The following DCLK1 variants were observed in gnomAD, a reference collection of about 807,000 sequenced individuals.
DCLK1 encodes doublecortin like kinase 1, also known as serine/threonine-protein kinase DCLK1.
Under a neutral mutation model 86.2 loss-of-function variants are expected in DCLK1, and 16 were observed. The observed-to-expected ratio is 0.19, with a 90% confidence interval of 0.13 to 0.28. DCLK1 has a LOEUF of 0.28. DCLK1 is among the 10% of genes least tolerant of loss of function. DCLK1 has a pLI of 1.00. For synonymous variants in DCLK1, 369 were observed against 370.5 expected (o/e 1.00, Z 0.05); for missense variants, 590 against 940.2 (o/e 0.63, Z 4.87).
chr13:35,951,081 A>G (rs1367555485), intron 3 of DCLK1, among the ~76,000 whole-genome samples: 1 of 152,018 alleles, frequency 6.6e-6, no homozygotes, highest in African/African-American at 2.4e-5. Flanking sequence ...TCCATGGCTC[A>G]GAAAGCCATC....
rs2086374802 is a variant in DCLK1, at chr13:35,773,858, C to A, written c.*677G>T. ...CTTCATGTGGAGACAATTTGGGGGG[C>A]ACCATCTATTTCCTGGGTCAAGCTC... On this transcript the variant is annotated 3_prime_UTR_variant, in exon 17 of 17. Transcript: ENST00000360631. 1 of 143,898 alleles carries A rather than the reference C, an allele frequency of 6.9e-6. No homozygotes were observed. The highest frequency in any genetic ancestry group is 1.5e-5 in the Non-Finnish European group (1 of 66,462). 8.9% of individuals were successfully genotyped at this position (143,898 alleles called of 1,614,324 possible).
intron 3 of DCLK1, among the ~76,000 whole-genome samples, chr13:36,025,646 CAT>C (rs969274135): frequency 6.6e-6 from 1 of 152,116 alleles, no homozygotes; most frequent in Non-Finnish European, 1.5e-5. Context: ...CCAAAGGCCA[CAT>C]ATTGTATAGG....
rs1453302468 is a variant in DCLK1, at chr13:35,959,854, C to CATGTGT, written c.724-12398_724-12397insACACAT. Among the ~76,000 whole-genome samples, 405 of 149,406 alleles carry CATGTGT rather than the reference C, an allele frequency of 2.7e-3. 4 individuals are homozygous for CATGTGT. Among genetic ancestry groups the CATGTGT allele is most frequent in the African/African-American group, 9.7e-3 (391 of 40,434 alleles). On this transcript the variant is annotated intron_variant, in intron 3 of 16. Transcript: ENST00000360631. ...TCATGAAAAAACCAATACAGCAAGTCGTGTGTGTGTGTGTGTGTGTGTGTG... is the reference window on the plus strand; with the variant it reads ...TCATGAAAAAACCAATACAGCAAGTCATGTGTGTGTGTGTGTGTGTGTGTGTGTGTG...
At chr13:35,974,112 T>C (rs1303570901) in intron 3 of DCLK1, among the ~76,000 whole-genome samples, 2 of 152,186 alleles carry the variant, frequency 1.3e-5, no homozygotes, top group Admixed American at 1.3e-4. Context: ...GACAAAAGTT[T>C]AGAATAACTG....
intron 11 of DCLK1, among the ~76,000 whole-genome samples, chr13:35,821,132 TG>T (rs2087384835): frequency 6.6e-6 from 1 of 152,186 alleles, no homozygotes. Context: ...GTGACAACCG[TG>T]GGCAGGTCAT....
intron 3 of DCLK1, among the ~76,000 whole-genome samples, chr13:36,093,520 C>A (rs932269179): frequency 6.6e-6 from 1 of 152,156 alleles, no homozygotes; most frequent in Non-Finnish European, 1.5e-5. Flanking sequence ...TACATAAATT[C>A]TTTTAATGAA....
At chr13:35,861,938 G>A (rs1473824459) in intron 5 of DCLK1, among the ~76,000 whole-genome samples, 3 of 151,170 alleles carry the variant, frequency 2.0e-5, no homozygotes, top group Non-Finnish European at 4.4e-5. Flanking sequence ...AGGCTGAGGC[G>A]GGAGAATGGC....
chr13:35,883,408 C>T (rs1047592966), intron 4 of DCLK1, among the ~76,000 whole-genome samples: 4 of 152,140 alleles, frequency 2.6e-5, no homozygotes, highest in African/African-American at 9.7e-5. Flanking sequence ...TCTCCCTTGC[C>T]TCCTCTCTCC....
At chr13:36,092,200 C>T (rs1884849149) in intron 3 of DCLK1, among the ~76,000 whole-genome samples, 1 of 151,620 alleles carries the variant, frequency 6.6e-6, no homozygotes, top group South Asian at 2.1e-4. Context: ...AGTTCTGGCT[C>T]TTGAGGTTTT....
intron 16 of DCLK1, among the ~76,000 whole-genome samples, chr13:35,790,701 C>T (rs1435270706): frequency 2.0e-5 from 3 of 152,002 alleles, no homozygotes; most frequent in African/African-American, 7.3e-5. Flanking sequence ...GCAAATTAAT[C>T]ATTATATTAA....
intron 13 of DCLK1, among the ~76,000 whole-genome samples, 198 bp from the exon 14 acceptor site, chr13:35,808,518 C>A (rs2153102537): frequency 6.6e-6 from 1 of 152,296 alleles, no homozygotes. Context: ...TGCGGCGGCT[C>A]ACACCTGTAT....
At chr13:35,838,467 A>T (rs1471685668) in intron 7 of DCLK1, among the ~76,000 whole-genome samples, 1 of 152,184 alleles carries the variant, frequency 6.6e-6, no homozygotes, top group Admixed American at 6.6e-5. Context: ...GTGATTCACA[A>T]TCTCCATTTC....
chr13:35,959,092 C>A (rs951798211), intron 3 of DCLK1, among the ~76,000 whole-genome samples: 27 of 152,274 alleles, frequency 1.8e-4, no homozygotes, highest in African/African-American at 6.5e-4. Context: ...ACTACGAATA[C>A]AAACTTGATT....
At chr13:36,037,640 C>T (rs1882553960) in intron 3 of DCLK1, among the ~76,000 whole-genome samples, 2 of 151,934 alleles carry the variant, frequency 1.3e-5, no homozygotes, top group Non-Finnish European at 2.9e-5. Context: ...TGCATCACCA[C>T]ACCCAGTTAA....
At position 36,131,234 on chromosome 13, in the gene DCLK1, G is replaced by A; in HGVS notation, c.-140C>T. 6.5e-6 allele frequency: 1 copy of A among 154,422 alleles called. No individual in the cohort carries two copies. Among genetic ancestry groups the A allele is most frequent in the Non-Finnish European group, 1.4e-5 (1 of 69,736 alleles). 9.6% of individuals were successfully genotyped at this position (154,422 alleles called of 1,614,324 possible). ...GGGGCTGCAGGGCTGGGGGGCGGCG[G>A]CGGGGCCGGGCTGGGCGGCAGCAGC... On this transcript the variant is annotated 5_prime_UTR_variant, in exon 1 of 17. Coordinates refer to ENST00000360631, the MANE Select transcript of DCLK1 (RefSeq NM_001330071.2).
intron 3 of DCLK1, among the ~76,000 whole-genome samples, chr13:36,051,521 C>T (rs1883122675): frequency 6.6e-6 from 1 of 151,794 alleles, no homozygotes; most frequent in Non-Finnish European, 1.5e-5. Context: ...GATTATAAAA[C>T]CCTCTGTGTG....
intron 11 of DCLK1, among the ~76,000 whole-genome samples, chr13:35,821,679 T>G (rs1309406614): frequency 2.7e-5 from 4 of 148,494 alleles, no homozygotes; most frequent in Non-Finnish European, 5.9e-5. Flanking sequence ...TATGTATATA[T>G]ATATATATAT....
chr13:35,957,186 G>T (rs1321614508), intron 3 of DCLK1, among the ~76,000 whole-genome samples: 13 of 152,104 alleles, frequency 8.5e-5, no homozygotes, highest in African/African-American at 2.9e-4. Context: ...ATCAGCTAGT[G>T]TAAGGTGCTT....
At chr13:35,843,131 G>T (rs1210764629) in intron 6 of DCLK1, among the ~76,000 whole-genome samples, 4 of 151,880 alleles carry the variant, frequency 2.6e-5, no homozygotes, top group African/African-American at 9.7e-5. Context: ...TTACCTTTTT[G>T]GTTTTTCTGA....
Sources: gnomAD v4.1 joint callset for allele counts (sites outside exome capture counted in the v4.1 genomes callset) on GRCh38, gnomAD v4.1.1 for gene constraint, MANE v1.5 for transcripts, NCBI Gene and HGNC (gene_info 2026-07-23, HGNC 2026-07-21) for gene names.